The following ZC3H12B variants were observed in gnomAD, a reference collection of about 807,000 sequenced individuals.
ZC3H12B encodes zinc finger CCCH-type containing 12B, also known as probable ribonuclease ZC3H12B.
Under a neutral mutation model 43.9 loss-of-function variants are expected in ZC3H12B, and 7 were observed. The observed-to-expected ratio is 0.16, with a 90% CI of 0.09 to 0.30. The LOEUF (loss-of-function observed/expected upper bound fraction) is 0.30. Among genes scored for constraint, ZC3H12B ranks in the 10% least tolerant of loss-of-function variants. The pLI is 1.00. For missense variants in ZC3H12B, 475 were observed against 670.2 expected (o/e 0.71, Z 3.22); for synonymous variants, 222 against 241.7 (o/e 0.92, Z 0.76).
chrX:65,169,774 T>C, the ZC3H12B span, among the ~76,000 whole-genome samples: 5 of 112,311 alleles, frequency 4.5e-5, no homozygotes, highest in Admixed American at 9.5e-5. Context: ...AATTAATTCT[T>C]TTACCATTAT....
chrX:65,499,021 G>A (rs1338412510), exon 3 of ZC3H12B: 1 of 1,207,609 alleles, frequency 8.3e-7, no homozygotes, highest in African/African-American at 1.7e-5. Flanking sequence ...TACGAAAACT[G>A]GAGAAGGAAA....
the ZC3H12B span, among the ~76,000 whole-genome samples, chrX:65,202,556 T>C: frequency 9.0e-6 from 1 of 110,526 alleles, no homozygotes; most frequent in Non-Finnish European, 1.9e-5. Flanking sequence ...ATACTCTTGT[T>C]CTCTTCCCTT....
At chrX:65,436,891 G>C (rs1187916361) in intron 3 of ZC3H12B, among the ~76,000 whole-genome samples, 1 of 110,486 alleles carries the variant, frequency 9.1e-6, no homozygotes, top group African/African-American at 3.3e-5. Context: ...AATGGTTATT[G>C]GCTTTAGTCA....
At chrX:65,318,818 AGTGACTTCTGG>A in the ZC3H12B span, among the ~76,000 whole-genome samples, 3 of 110,732 alleles carry the variant, frequency 2.7e-5, no homozygotes, top group Non-Finnish European at 5.7e-5. Flanking sequence ...CCTACTCTTG[AGTGACTTCTGG>A]GTGGACAATG....
the ZC3H12B span, among the ~76,000 whole-genome samples, chrX:65,257,290 C>G: frequency 8.9e-6 from 1 of 111,831 alleles, no homozygotes; most frequent in African/African-American, 3.3e-5. Context: ...AGGATGAGTT[C>G]ATGTCCTTTG....
intron 3 of ZC3H12B, among the ~76,000 whole-genome samples, chrX:65,474,694 A>G (rs778481954): frequency 3.6e-5 from 4 of 110,237 alleles, no homozygotes; most frequent in Non-Finnish European, 7.6e-5. Flanking sequence ...CACTGCAGCC[A>G]CTGCTTCCTG....
intron 2 of ZC3H12B, among the ~76,000 whole-genome samples, chrX:65,382,243 G>C (rs2066452696): frequency 9.1e-6 from 1 of 109,850 alleles, no homozygotes; most frequent in Non-Finnish European, 1.9e-5. Flanking sequence ...ACATCAAAAA[G>C]CTTATCCACC....
the ZC3H12B span, among the ~76,000 whole-genome samples, chrX:65,132,661 A>G: frequency 9.0e-6 from 1 of 111,356 alleles, no homozygotes; most frequent in Middle Eastern, 4.2e-3. Context: ...ACTAAGAAGG[A>G]GTGCATAAAA....
chrX:65,149,134 C>G, the ZC3H12B span, among the ~76,000 whole-genome samples: 1 of 111,369 alleles, frequency 9.0e-6, no homozygotes, highest in Non-Finnish European at 1.9e-5. Context: ...CTCAGGCCCC[C>G]AGGGTATCTA....
the ZC3H12B span, among the ~76,000 whole-genome samples, chrX:65,259,244 C>G: frequency 1.8e-5 from 2 of 111,407 alleles, no homozygotes; most frequent in African/African-American, 6.5e-5. Context: ...GAATAGAGAG[C>G]ACAGAAATAA....
the ZC3H12B span, among the ~76,000 whole-genome samples, chrX:65,218,983 G>T: frequency 8.9e-6 from 1 of 112,050 alleles, no homozygotes; most frequent in Non-Finnish European, 1.9e-5. Flanking sequence ...CTTGAAGACA[G>T]ATCATATTAC....
the ZC3H12B span, among the ~76,000 whole-genome samples, chrX:65,291,755 C>T: frequency 1.8e-5 from 2 of 111,841 alleles, no homozygotes; most frequent in Non-Finnish European, 3.8e-5. Context: ...GTACACTATA[C>T]TTTAAAATTT....
At chrX:65,485,863 T>A (rs2068117761), upstream of ZC3H12B, among the ~76,000 whole-genome samples, 1 of 112,188 alleles carries the variant, frequency 8.9e-6, no homozygotes, top group Non-Finnish European at 1.9e-5. Flanking sequence ...TTTATAATTA[T>A]GAATTATATG....
At chrX:65,425,187 T>G (rs763201063) in intron 3 of ZC3H12B, among the ~76,000 whole-genome samples, 12 of 111,858 alleles carry the variant, frequency 1.1e-4, no homozygotes, top group African/African-American at 3.6e-4. Context: ...TTCACTTCCT[T>G]TGTTAGCTCT....
the ZC3H12B span, among the ~76,000 whole-genome samples, chrX:65,160,143 T>C: frequency 8.9e-6 from 1 of 112,006 alleles, no homozygotes; most frequent in African/African-American, 3.2e-5. Context: ...AGGTTTTTGA[T>C]GTGCTGCTGG....
At chrX:65,289,503 G>T in the ZC3H12B span, among the ~76,000 whole-genome samples, 1 of 108,779 alleles carries the variant, frequency 9.2e-6, no homozygotes, top group East Asian at 2.8e-4. Flanking sequence ...TTCATTTTAG[G>T]TTCAGGGAGT....
chrX:65,096,173 A>T, the ZC3H12B span, among the ~76,000 whole-genome samples: 6 of 96,165 alleles, frequency 6.2e-5, no homozygotes, highest in East Asian at 1.9e-3. Context: ...TATATATATT[A>T]CTTGGGCACA....
intron 2 of ZC3H12B, among the ~76,000 whole-genome samples, chrX:65,379,306 C>T (rs756296282): frequency 8.9e-6 from 1 of 111,770 alleles, no homozygotes; most frequent in African/African-American, 3.3e-5. Flanking sequence ...ACCTCTGACC[C>T]CCATGCAGCC....
the ZC3H12B span, among the ~76,000 whole-genome samples, chrX:65,169,231 G>T: frequency 1.8e-5 from 2 of 111,650 alleles, no homozygotes; most frequent in Admixed American, 9.5e-5. Context: ...CTGGTATGTT[G>T]TGTCTTTGTA....
Sources: gnomAD v4.1 joint callset for allele counts (sites outside exome capture counted in the v4.1 genomes callset) on GRCh38, gnomAD v4.1.1 for gene constraint, MANE v1.5 for transcripts, NCBI Gene and HGNC (gene_info 2026-07-23, HGNC 2026-07-21) for gene names.